The following RARB variants were observed in gnomAD, a reference collection of about 807,000 sequenced individuals.
RARB encodes HBV-activated protein.
A neutral mutation model predicts 51.9 loss-of-function variants in RARB; 17 were observed. The observed-to-expected ratio is 0.33, with a 90% CI of 0.22 to 0.49. RARB has a LOEUF of 0.49. Ranked by LOEUF, RARB falls within the 20% of genes least tolerant of loss-of-function variation. The pLI is 0.99. For missense variants in RARB, 369 were observed against 550.8 expected (o/e 0.67, Z 3.30); for synonymous variants, 215 against 195.4 (o/e 1.10, Z -0.84).
At chr3:25,391,183 A>G (rs774661589) in intron 5 of RARB, among the ~76,000 whole-genome samples, 10 of 152,178 alleles carry the variant, frequency 6.6e-5, no homozygotes, top group Non-Finnish European at 1.5e-4. Context: ...CACTTAGAGT[A>G]ATGGTCTCAA....
chr3:25,203,787 C>A (rs1701457496), intron 5 of RARB, among the ~76,000 whole-genome samples: 3 of 152,354 alleles, frequency 2.0e-5, no homozygotes, highest in South Asian at 4.1e-4. Context: ...TGTAGAGTTT[C>A]TGTCAAGAAA....
chr3:25,479,124 G>C (rs1696103318), intron 2 of RARB, among the ~76,000 whole-genome samples: 2 of 149,944 alleles, frequency 1.3e-5, no homozygotes, highest in South Asian at 4.2e-4. Context: ...AGGCTGGGCT[G>C]TTTTAAAAAT....
chr3:24,993,190 C>T (rs1489391585), intron 2 of RARB, among the ~76,000 whole-genome samples: 3 of 151,940 alleles, frequency 2.0e-5, no homozygotes, highest in African/African-American at 4.8e-5. Flanking sequence ...TGAAAAAAAT[C>T]AGAGATGCTA....
intron 2 of RARB, chr3:24,858,849 C>A (rs1173694305): frequency 2.0e-5 from 3 of 151,744 alleles, no homozygotes; most frequent in African/African-American, 7.3e-5. Context: ...CCAGCCTGGC[C>A]AACATGGTAT....
intron 5 of RARB, among the ~76,000 whole-genome samples, chr3:25,281,292 A>T (rs1324894503): frequency 2.0e-5 from 3 of 152,156 alleles, no homozygotes; most frequent in South Asian, 4.1e-4. Context: ...AACTGCCTAC[A>T]CCTTGCTAAC....
At chr3:25,214,571 A>T (rs1176804552) in intron 5 of RARB, among the ~76,000 whole-genome samples, 1 of 152,216 alleles carries the variant, frequency 6.6e-6, no homozygotes, top group Non-Finnish European at 1.5e-5. Flanking sequence ...ATGGGACTGC[A>T]GAAGAAATTT....
At chr3:25,116,653 A>G (rs1360142827) in intron 3 of RARB, among the ~76,000 whole-genome samples, 5 of 151,870 alleles carry the variant, frequency 3.3e-5, no homozygotes, top group African/African-American at 4.8e-5. Flanking sequence ...ATGCAAGAGG[A>G]TGTGAAGCTA....
At chr3:24,833,740 A>T (rs1393564973) in intron 1 of RARB, among the ~76,000 whole-genome samples, 1 of 152,246 alleles carries the variant, frequency 6.6e-6, no homozygotes, top group African/African-American at 2.4e-5. Flanking sequence ...TTCTTAATTC[A>T]TCATGTACAT....
At chr3:25,314,789 C>T (rs1704379942) in intron 5 of RARB, among the ~76,000 whole-genome samples, 1 of 152,084 alleles carries the variant, frequency 6.6e-6, no homozygotes, top group Non-Finnish European at 1.5e-5. Flanking sequence ...ATAATTGATC[C>T]TATCACCCAG....
At chr3:25,141,071 A>C (rs942260321) in intron 4 of RARB, among the ~76,000 whole-genome samples, 1 of 152,154 alleles carries the variant, frequency 6.6e-6, no homozygotes, top group South Asian at 2.1e-4. Context: ...ACTTTATTGC[A>C]GTGGTCTGGA....
At chr3:25,011,474 A>G (rs1697393052) in intron 2 of RARB, among the ~76,000 whole-genome samples, 1 of 152,112 alleles carries the variant, frequency 6.6e-6, no homozygotes, top group South Asian at 2.1e-4. Context: ...CCATCGAATT[A>G]TAGCTATATT....
chr3:24,838,586 C>A (rs2125329127), intron 1 of RARB, among the ~76,000 whole-genome samples: 1 of 152,234 alleles, frequency 6.6e-6, no homozygotes, highest in East Asian at 1.9e-4. Context: ...TGTAATAAAG[C>A]CACTGCAGAG....
At chr3:24,868,267 T>C (rs1342528993) in intron 2 of RARB, among the ~76,000 whole-genome samples, 1 of 152,108 alleles carries the variant, frequency 6.6e-6, no homozygotes, top group Non-Finnish European at 1.5e-5. Context: ...TCAAAATAAT[T>C]AATGTAATAC....
rs192218533 is a variant in RARB at position 24,941,713 on chromosome 3, T to G, written c.-380+82961T>G. On this transcript the variant is annotated intron_variant, in intron 2 of 11. Transcript: ENST00000383772. ...AGAATAAAATAGCTTTATGAAAAATTCACTACATTATCTTTGCCTCATTTT... is the reference window on the plus strand; with the variant it reads ...AGAATAAAATAGCTTTATGAAAAATGCACTACATTATCTTTGCCTCATTTT... Among the ~76,000 whole-genome samples, 13 of 152,316 alleles carry G rather than the reference T, an allele frequency of 8.5e-5. No homozygotes were observed. The East Asian group carries it at 1.5e-3, about 18-fold the overall frequency.
chr3:25,086,491 T>C (rs1024435049), intron 3 of RARB, among the ~76,000 whole-genome samples: 1 of 152,186 alleles, frequency 6.6e-6, no homozygotes, highest in African/African-American at 2.4e-5. Context: ...AATCAAACTC[T>C]GTAAAATATT....
chr3:25,283,116 T>C (rs930014475), intron 5 of RARB, among the ~76,000 whole-genome samples: 32 of 152,142 alleles, frequency 2.1e-4, no homozygotes, highest in African/African-American at 7.5e-4. Context: ...CCCATCTGAG[T>C]CTCCTGATTC....
intron 1 of RARB, among the ~76,000 whole-genome samples, chr3:24,855,653 T>G (rs1457172295): frequency 6.6e-6 from 1 of 151,966 alleles, no homozygotes; most frequent in African/African-American, 2.4e-5. Flanking sequence ...ACATGTTATA[T>G]GGATTGTTTA....
intron 2 of RARB, among the ~76,000 whole-genome samples, chr3:24,960,774 T>G (rs999870300): frequency 1.9e-4 from 27 of 145,774 alleles, no homozygotes; most frequent in African/African-American, 6.7e-4. Context: ...TTTTTTTTTT[T>G]AACTTTGGTG....
intron 2 of RARB, among the ~76,000 whole-genome samples, chr3:25,048,599 T>A (rs1163613515): frequency 6.6e-6 from 1 of 152,148 alleles, no homozygotes; most frequent in Non-Finnish European, 1.5e-5. Flanking sequence ...TTACTTTTTG[T>A]GATGGCAGAA....
Sources: allele counts gnomAD v4.1 joint callset (sites outside exome capture counted in the v4.1 genomes callset), GRCh38; gene constraint gnomAD v4.1.1; transcripts MANE v1.5; gene names NCBI Gene and HGNC (gene_info 2026-07-23, HGNC 2026-07-21).